CAMTA1: variants seen among roughly 807,000 people sequenced by gnomAD.
CAMTA1 encodes the protein calmodulin-binding transcription activator 1.
Under a neutral mutation model 170.9 loss-of-function variants are expected in CAMTA1, and 27 were observed. The observed-to-expected ratio is 0.16, with a 90% CI of 0.12 to 0.22. The LOEUF is 0.22. CAMTA1 is among the 10% of genes least tolerant of loss of function. CAMTA1 has a pLI of 1.00. For missense variants in CAMTA1, 1,619 were observed against 2,217.2 expected, an observed-to-expected ratio of 0.73 and a Z score of 5.42; for synonymous variants, 833 against 891.5, an observed-to-expected ratio of 0.93 and a Z score of 1.17.
chr1:7,599,428 T>C (rs2095424128), intron 6 of CAMTA1, among the ~76,000 whole-genome samples: 1 of 152,218 alleles, frequency 6.6e-6, no homozygotes, highest in South Asian at 2.1e-4. Context: ...TGCGGGCTCT[T>C]TTCTTGTTCC....
rs560075311 is a variant in CAMTA1 at position 7,130,154 on chromosome 1, G to A, written c.302+38783G>A. Among the ~76,000 whole-genome samples, 135 of 152,190 alleles carry A rather than the reference G, an allele frequency of 8.9e-4. 4 individuals are homozygous for A. The Middle Eastern group carries it at 0.027, about 31-fold the overall frequency. On this transcript the variant is annotated intron_variant, in intron 4 of 22. Transcript: ENST00000303635. ...GGGTTTCACCATGTTGGCCAGGATG[G>A]TCTTGAACTCCTGACATCAAGTGAT...
Position 7,077,990 on chromosome 1 carries a change from G to GCACA in CAMTA1, c.235-13299_235-13296dup, listed in dbSNP as rs149263539. Among the ~76,000 whole-genome samples, 1,356 of 150,732 alleles carry GCACA rather than the reference G, an allele frequency of 9.0e-3. 18 individuals carry two copies. Among genetic ancestry groups the GCACA allele is most frequent in the African/African-American group, 0.031 (1,268 of 41,138 alleles). On this transcript the variant is annotated intron_variant, in intron 3 of 22. Coordinates refer to ENST00000303635, the MANE Select transcript of CAMTA1 (RefSeq NM_015215.4). ...ATTTATGGGTGGGAAGAGCTTGCGTGCACACACACACACACACATACACAC... is the reference window on the plus strand; with the variant it reads ...ATTTATGGGTGGGAAGAGCTTGCGTGCACACACACACACACACACACATACACAC...
At chr1:7,605,770 G>C (rs763826741) in intron 6 of CAMTA1, among the ~76,000 whole-genome samples, 2 of 152,192 alleles carry the variant, frequency 1.3e-5, no homozygotes, top group Non-Finnish European at 2.9e-5. Flanking sequence ...TGTCTTCTGC[G>C]TCGCTCATGC....
intron 3 of CAMTA1, among the ~76,000 whole-genome samples, chr1:6,927,973 C>A (rs1193256042): frequency 6.6e-6 from 1 of 152,160 alleles, no homozygotes; most frequent in Non-Finnish European, 1.5e-5. Context: ...AGGTGTCCTG[C>A]CTTCTTCCTG....
At chr1:6,923,500 C>A (rs1045474827) in intron 3 of CAMTA1, among the ~76,000 whole-genome samples, 1 of 152,224 alleles carries the variant, frequency 6.6e-6, no homozygotes, top group African/African-American at 2.4e-5. Context: ...CCCAAAGCCA[C>A]GAGGCCCAGC....
chr1:7,520,141 C>T (rs1040144058), intron 6 of CAMTA1, among the ~76,000 whole-genome samples: 2 of 142,306 alleles, frequency 1.4e-5, no homozygotes, highest in African/African-American at 5.4e-5. Context: ...AAGAACCCAC[C>T]CTGTTGCTTT....
intron 4 of CAMTA1, among the ~76,000 whole-genome samples, chr1:7,181,268 C>T (rs567615696): frequency 3.3e-5 from 5 of 152,090 alleles, no homozygotes; most frequent in African/African-American, 1.2e-4. Flanking sequence ...TATTTGAATC[C>T]TAAAGTCAGG....
intron 3 of CAMTA1, among the ~76,000 whole-genome samples, chr1:7,059,800 T>C (rs556202349): frequency 3.9e-5 from 6 of 152,332 alleles, no homozygotes; most frequent in Admixed American, 3.3e-4. Context: ...GTGGTATTTA[T>C]TGAACTTTTT....
chr1:6,860,858 C>A (rs1664392562), intron 3 of CAMTA1, among the ~76,000 whole-genome samples: 1 of 151,736 alleles, frequency 6.6e-6, no homozygotes, highest in Non-Finnish European at 1.5e-5. Context: ...GTTGTAGTGA[C>A]CCCAGATTGT....
At chr1:6,917,313 C>T (rs775210612) in intron 3 of CAMTA1, among the ~76,000 whole-genome samples, 3 of 151,902 alleles carry the variant, frequency 2.0e-5, no homozygotes, top group Non-Finnish European at 2.9e-5. Flanking sequence ...CCTGGTAAGC[C>T]GTGGTGGTTT....
Position 6,953,970 on chromosome 1 carries a change from TGAGGGCGGCACTC to T in CAMTA1, c.234+128767_234+128779del, listed in dbSNP as rs1415765914. On this transcript the variant is annotated intron_variant, in intron 3 of 22. Coordinates refer to ENST00000303635, the MANE Select transcript of CAMTA1 (RefSeq NM_015215.4). ...CCAGGTCTTCTGAGTGCTGCTGACCTGAGGGCGGCACTCGAGGGCTTGGGTCCTTGGGGAGGGA... is the reference window on the plus strand; with the variant it reads ...CCAGGTCTTCTGAGTGCTGCTGACCTGAGGGCTTGGGTCCTTGGGGAGGGA... 2.6e-5 allele frequency among the ~76,000 whole-genome samples: 4 copies of T among 152,170 alleles called. No individual in the cohort carries two copies. In the East Asian group the frequency reaches 7.7e-4, roughly 29 times the overall value.
At chr1:6,972,444 T>A (rs777295552) in intron 3 of CAMTA1, among the ~76,000 whole-genome samples, 1 of 152,222 alleles carries the variant, frequency 6.6e-6, no homozygotes, top group African/African-American at 2.4e-5. Context: ...AAAGGATCTG[T>A]GTTTAGTAAG....
chr1:7,605,192 C>G (rs2095476822), intron 6 of CAMTA1, among the ~76,000 whole-genome samples: 1 of 152,184 alleles, frequency 6.6e-6, no homozygotes, highest in Non-Finnish European at 1.5e-5. Context: ...GATGGGGGAA[C>G]CACTACTCTC....
chr1:7,315,903 T>C (rs1440080583), intron 5 of CAMTA1, among the ~76,000 whole-genome samples: 1 of 152,194 alleles, frequency 6.6e-6, no homozygotes, highest in Non-Finnish European at 1.5e-5. Flanking sequence ...AGACACTACC[T>C]GAGACTGGGT....
intron 3 of CAMTA1, among the ~76,000 whole-genome samples, chr1:6,957,142 G>T (rs1689598100): frequency 6.6e-6 from 1 of 152,224 alleles, no homozygotes; most frequent in African/African-American, 2.4e-5. Flanking sequence ...CGCTCTTTGG[G>T]AAAGAAGCAT....
chr1:7,402,558 C>T (rs2089983681), intron 5 of CAMTA1, among the ~76,000 whole-genome samples: 1 of 152,190 alleles, frequency 6.6e-6, no homozygotes, highest in Non-Finnish European at 1.5e-5. Flanking sequence ...TTATATGCTG[C>T]AGTCGTGATG....
intron 3 of CAMTA1, among the ~76,000 whole-genome samples, chr1:7,043,178 T>G (rs943096577): frequency 2.0e-5 from 3 of 152,208 alleles, no homozygotes. Flanking sequence ...GCAGGCTTGC[T>G]TTCATAGGAT....
At position 7,136,895 on chromosome 1, in the gene CAMTA1, C is replaced by T. The variant is rs192089659; in HGVS notation, c.302+45524C>T. Among the ~76,000 whole-genome samples, 8 of 152,322 alleles carry T rather than the reference C, an allele frequency of 5.3e-5. No individual in the cohort carries two copies. In the East Asian group the frequency reaches 1.5e-3, roughly 29 times the overall value. ...GGTCATCATCTTCTCCGTTTCTCTACCCAAATGCTCCCTGGTGACCTCTTA... is the reference window on the plus strand; with the variant it reads ...GGTCATCATCTTCTCCGTTTCTCTATCCAAATGCTCCCTGGTGACCTCTTA... On this transcript the variant is annotated intron_variant, in intron 4 of 22. Coordinates refer to ENST00000303635, the MANE Select transcript of CAMTA1 (RefSeq NM_015215.4).
intron 6 of CAMTA1, among the ~76,000 whole-genome samples, chr1:7,469,849 C>T (rs1050913885): frequency 2.6e-5 from 4 of 152,190 alleles, no homozygotes; most frequent in Non-Finnish European, 5.9e-5. Context: ...CGGGTCCCTC[C>T]TAGATTCAGC....
Sources: allele counts gnomAD v4.1 joint callset (sites outside exome capture counted in the v4.1 genomes callset), GRCh38; gene constraint gnomAD v4.1.1; transcripts MANE v1.5; gene names NCBI Gene and HGNC (gene_info 2026-07-23, HGNC 2026-07-21).